RAB27B: variants seen among roughly 807,000 people sequenced by gnomAD.
RAB27B encodes RAB27B, member RAS oncogene family.
RAB27B carries 15 observed loss-of-function variants against 24.6 expected under a neutral mutation model. The ratio of observed to expected loss-of-function variants is 0.61; its 90% CI spans 0.41 to 0.94. RAB27B has a LOEUF of 0.94. Ranked by LOEUF, RAB27B falls within the 40% of genes least tolerant of loss-of-function variation. The pLI, the probability that RAB27B is intolerant of heterozygous loss-of-function variation, is 0.00. For synonymous variants in RAB27B, 105 were observed against 92.5 expected (o/e 1.14, Z -0.78); for missense variants, 261 against 266.8 (o/e 0.98, Z 0.15).
intron 2 of RAB27B, among the ~76,000 whole-genome samples, chr18:54,719,306 G>C (rs963651448): frequency 8.6e-5 from 13 of 151,976 alleles, no homozygotes; most frequent in African/African-American, 3.1e-4. Context: ...TGTATCTATA[G>C]TTCCCTTAAC....
At chr18:54,821,138 C>T (rs938546212) in intron 2 of RAB27B, among the ~76,000 whole-genome samples, 14 of 152,078 alleles carry the variant, frequency 9.2e-5, no homozygotes, top group Non-Finnish European at 1.9e-4. Flanking sequence ...TAGAAAACCC[C>T]ATCATCTCAG....
chr18:54,769,672 A>G (rs1189447639), intron 2 of RAB27B, among the ~76,000 whole-genome samples: 1 of 152,140 alleles, frequency 6.6e-6, no homozygotes. Flanking sequence ...TATTCTTGCA[A>G]TATTTTAAGG....
In RAB27B at chr18:54,762,897, C is replaced by T. The variant is rs150038537; in HGVS notation, c.-20+44756C>T. 6.6e-5 allele frequency among the ~76,000 whole-genome samples: 10 copies of T among 152,262 alleles called. No individual in the cohort carries two copies. In the East Asian group the frequency reaches 1.9e-3, roughly 29 times the overall value. On this transcript the variant is annotated intron_variant, in intron 2 of 4. Transcript: ENST00000586570. ...TTACTCTTTTGCTTGCTCCTATATCCCTCACACCTGGGGGGTTCAGTGTGT... is the reference window on the plus strand; with the variant it reads ...TTACTCTTTTGCTTGCTCCTATATCTCTCACACCTGGGGGGTTCAGTGTGT...
At chr18:54,807,629 A>C (rs889998882) in intron 2 of RAB27B, among the ~76,000 whole-genome samples, 1 of 152,180 alleles carries the variant, frequency 6.6e-6, no homozygotes. Flanking sequence ...ATTTATAAGG[A>C]ATGACACCTT....
At chr18:54,887,739 T>C (rs565960707) in intron 4 of RAB27B, among the ~76,000 whole-genome samples, 1 of 152,288 alleles carries the variant, frequency 6.6e-6, no homozygotes, top group East Asian at 1.9e-4. Flanking sequence ...CACCTAACAT[T>C]TACTAAATGT....
intron 2 of RAB27B, among the ~76,000 whole-genome samples, chr18:54,718,941 A>G (rs1014779097): frequency 5.3e-5 from 8 of 152,206 alleles, no homozygotes; most frequent in Non-Finnish European, 8.8e-5. Context: ...TGACCACAGT[A>G]ATTAGTTTAA....
chr18:54,765,079 C>CAAA (rs559457663), intron 2 of RAB27B, among the ~76,000 whole-genome samples: 73 of 149,210 alleles, frequency 4.9e-4, no homozygotes, highest in African/African-American at 1.7e-3. Context: ...AAAAACAAAA[C>CAAA]AAAAAAAAAC....
At position 54,889,245 on chromosome 18, in the gene RAB27B, T is replaced by A; in HGVS notation, c.489T>A (p.Ser163Arg). Reference protein sequence around the residue: ...DKYGIPYFETSAATGQNVEKA... With the variant: ...DKYGIPYFETRAATGQNVEKA... Reference sequence around the variant, plus strand: ...CTAGCATACCATATTTTGAAACAAGTGCAGCAACTGGACAGAATGTGGAGA... The same window carrying A: ...CTAGCATACCATATTTTGAAACAAGAGCAGCAACTGGACAGAATGTGGAGA... Residue 163 changes from serine (S) to arginine (R), a missense_variant, in exon 6 of 6, where the codon AGT (serine) becomes AGA (arginine). Transcript: ENST00000262094. 5.6e-6 allele frequency: 9 copies of A among 1,608,760 alleles called. No individual in the cohort carries two copies. The highest frequency in any genetic ancestry group is 6.8e-6 in the Non-Finnish European group (8 of 1,178,012).
chr18:54,752,799 T>C (rs1254346596), intron 2 of RAB27B, among the ~76,000 whole-genome samples: 2 of 151,962 alleles, frequency 1.3e-5, no homozygotes, highest in Non-Finnish European at 2.9e-5. Flanking sequence ...CATGGAAGAG[T>C]TCCACCAGCT....
Position 54,889,282 on chromosome 18 carries a change from A to G in RAB27B, c.526A>G (p.Thr176Ala), listed in dbSNP as rs1321222457. Residue 176 changes from threonine to alanine, a missense_variant, in exon 6 of 6, where the codon ACC (threonine) becomes GCC (alanine). By Grantham distance (58) the Thr-to-Ala change is moderately conservative. Transcript: ENST00000262094. The stretch of plus-strand genomic sequence containing the variant: ...ACAGAATGTGGAGAAAGCTGTAGAA[A>G]CCCTTTTGGACTTAATCATGAAGCG... ...TGQNVEKAVE[T>A]LLDLIMKRME... 1.9e-6 allele frequency: 3 copies of G among 1,613,340 alleles called. No homozygotes were observed. Among genetic ancestry groups the G allele is most frequent in the Non-Finnish European group, 2.5e-6 (3 of 1,179,458 alleles).
intron 2 of RAB27B, among the ~76,000 whole-genome samples, chr18:54,878,761 A>T (rs77017876): frequency 7.3e-4 from 14 of 19,308 alleles, no homozygotes; most frequent in Non-Finnish European, 1.7e-3. Flanking sequence ...GAATTTTTTT[A>T]AAAAAATTAA....
rs1395045617 is a variant in RAB27B at position 54,891,635 on chromosome 18, A to G, written c.*2222A>G. 6.6e-6 allele frequency: 1 copy of G among 152,068 alleles called. No homozygotes were observed. The highest frequency in any genetic ancestry group is 2.4e-5 in the African/African-American group (1 of 41,414). The allele number at this position is 152,068 out of a possible 1,614,324, so 9.4% of individuals were successfully genotyped here. On this transcript the variant is annotated 3_prime_UTR_variant, in exon 6 of 6. Coordinates refer to ENST00000262094, the MANE Select transcript of RAB27B (RefSeq NM_004163.4). ...GAATGTGAAACCTTTATAAAACTCT[A>G]AAAGTATTCTGTTTTGATATGTCTT...
intron 2 of RAB27B, among the ~76,000 whole-genome samples, chr18:54,785,449 T>TC (rs1909054910): frequency 1.4e-5 from 2 of 148,054 alleles, no homozygotes; most frequent in African/African-American, 5.1e-5. Flanking sequence ...TTTTTTTTTT[T>TC]TTTTTTTTTC....
intron 2 of RAB27B, among the ~76,000 whole-genome samples, chr18:54,755,210 T>G (rs966380162): frequency 6.6e-6 from 1 of 152,042 alleles, no homozygotes; most frequent in Admixed American, 6.6e-5. Context: ...GCCAACACGA[T>G]GAAACCCCGT....
intron 1 of RAB27B, among the ~76,000 whole-genome samples, chr18:54,873,393 T>G (rs1013914616): frequency 6.6e-6 from 1 of 152,234 alleles, no homozygotes; most frequent in Admixed American, 6.5e-5. Flanking sequence ...GTGAGATGCA[T>G]TTCCTGAAAC....
intron 2 of RAB27B, among the ~76,000 whole-genome samples, chr18:54,805,844 CAG>C (rs1206702592): frequency 2.0e-5 from 3 of 152,156 alleles, no homozygotes; most frequent in Non-Finnish European, 4.4e-5. Flanking sequence ...AAAAATGCCT[CAG>C]AGAAGCATTT....
chr18:54,761,368 C>T (rs1908183755), intron 2 of RAB27B, among the ~76,000 whole-genome samples: 1 of 152,196 alleles, frequency 6.6e-6, no homozygotes, highest in African/African-American at 2.4e-5. Context: ...AAATTCAACA[C>T]ATTTATTCAT....
chr18:54,745,816 A>T (rs933701460), intron 2 of RAB27B, among the ~76,000 whole-genome samples: 10 of 146,136 alleles, frequency 6.8e-5, no homozygotes, highest in African/African-American at 1.3e-4. Context: ...TATAAATATT[A>T]AATATTTATA....
intron 4 of RAB27B, among the ~76,000 whole-genome samples, chr18:54,887,032 T>TCCCC (rs1913170090): frequency 4.6e-5 from 1 of 21,928 alleles, no homozygotes; most frequent in Admixed American, 6.6e-4. Flanking sequence ...CCTCCCTCCC[T>TCCCC]CCCTCCCTCC....
Sources: allele counts gnomAD v4.1 joint callset (sites outside exome capture counted in the v4.1 genomes callset), GRCh38; gene constraint gnomAD v4.1.1; transcripts MANE v1.5; gene names NCBI Gene and HGNC (gene_info 2026-07-23, HGNC 2026-07-21).